Variants in SLC35G2 observed in about 807,000 individuals in gnomAD.
The protein encoded by SLC35G2 is transmembrane protein 22.
In SLC35G2, 20 loss-of-function variants were observed where a neutral mutation model predicts 27.2. The ratio of observed to expected loss-of-function variants is 0.74; its 90% CI spans 0.52 to 1.07. The LOEUF (loss-of-function observed/expected upper bound fraction) is 1.07. Ranked by LOEUF, SLC35G2 falls within the 50% of genes least tolerant of loss-of-function variation. The pLI, the probability that SLC35G2 is intolerant of heterozygous loss-of-function variation, is 0.00. For synonymous variants in SLC35G2, 148 were observed against 165.3 expected (o/e 0.90, Z 0.80); for missense variants, 416 against 493.3 (o/e 0.84, Z 1.48).
At chr3:136,841,732 A>AAAATAAATAAATAAAT (rs10691819) in intron 1 of SLC35G2, 5 of 144,066 alleles carry the variant, frequency 3.5e-5, no homozygotes, top group African/African-American at 7.7e-5. Context: ...ACTCCGCCTC[A>AAAATAAATAAATAAAT]AAATAAATAA....
chr3:136,835,166 T>C lies in SLC35G2; in HGVS notation c.-19+15538T>C, dbSNP rs962233624. The stretch of plus-strand genomic sequence containing the variant: ...TAACAATTTCCTTTTTGAAAAAGTA[T>C]TTCTTACTTTTGGTCTAGAATCAAA... On this transcript the variant is annotated intron_variant, in intron 1 of 1. Transcript: ENST00000446465. 5.9e-5 allele frequency among the ~76,000 whole-genome samples: 9 copies of C among 152,218 alleles called. No homozygotes were observed. In the East Asian group the frequency reaches 1.5e-3, roughly 26 times the overall value.
rs565541996 is a variant in SLC35G2, at chr3:136,829,078, A to T, written c.-19+9450A>T. ...TGTTGTTTCTCTTTACATCTATTGT[A>T]CTGTCTACGTCTTGAAAATTTATTT... On this transcript the variant is annotated intron_variant, in intron 1 of 1. Transcript: ENST00000446465. Among the ~76,000 whole-genome samples, 29 of 152,342 alleles carry T rather than the reference A, an allele frequency of 1.9e-4. 1 individual carries two copies. In the South Asian group the frequency reaches 6.0e-3, roughly 32 times the overall value.
intron 1 of SLC35G2, among the ~76,000 whole-genome samples, chr3:136,821,011 T>G (rs1936444840): frequency 6.6e-6 from 1 of 152,104 alleles, no homozygotes; most frequent in Admixed American, 6.5e-5. Flanking sequence ...ATGACTAAAA[T>G]GTATCATAAT....
At chr3:136,835,558 G>A (rs925829163) in intron 1 of SLC35G2, among the ~76,000 whole-genome samples, 1 of 152,056 alleles carries the variant, frequency 6.6e-6, no homozygotes, top group Non-Finnish European at 1.5e-5. Context: ...TATTTTGTAG[G>A]AAGACACTTT....
chr3:136,853,197 G>T (rs1937759953), intron 1 of SLC35G2, among the ~76,000 whole-genome samples: 1 of 152,128 alleles, frequency 6.6e-6, no homozygotes, highest in Non-Finnish European at 1.5e-5. Context: ...CTGAATTCAA[G>T]TGATTCTCAT....
chr3:136,851,163 T>C (rs1459772899), intron 1 of SLC35G2, among the ~76,000 whole-genome samples: 1 of 151,976 alleles, frequency 6.6e-6, no homozygotes, highest in Non-Finnish European at 1.5e-5. Context: ...AGGAAAGGCC[T>C]GTCTCTAAAA....
At chr3:136,832,020 A>T (rs1359296041) in intron 1 of SLC35G2, among the ~76,000 whole-genome samples, 8 of 148,872 alleles carry the variant, frequency 5.4e-5, no homozygotes, top group Non-Finnish European at 7.4e-5. Flanking sequence ...ATCATTCTTC[A>T]TTTTTTTTTT....
At chr3:136,840,842 C>T (rs577128876) in intron 1 of SLC35G2, among the ~76,000 whole-genome samples, 14 of 151,428 alleles carry the variant, frequency 9.2e-5, no homozygotes, top group Admixed American at 7.9e-4. Flanking sequence ...AGGCTGGTCT[C>T]GAACTCCTGA....
chr3:136,843,837 G>A (rs1222637862), intron 1 of SLC35G2, among the ~76,000 whole-genome samples: 1 of 152,126 alleles, frequency 6.6e-6, no homozygotes, highest in African/African-American at 2.4e-5. Context: ...AGGAAGCTGA[G>A]GCAGGAGAAT....
intron 1 of SLC35G2, among the ~76,000 whole-genome samples, chr3:136,847,176 AAATAAATAAATAAAT>A (rs1427973376): frequency 1.3e-4 from 20 of 151,592 alleles, no homozygotes; most frequent in Non-Finnish European, 1.3e-4. Context: ...GACTGTCTAA[AAATAAATAAATAAAT>A]AATAAATAAA....
chr3:136,841,727 G>A (rs1255018032), intron 1 of SLC35G2: 3 of 129,734 alleles, frequency 2.3e-5, no homozygotes, highest in Non-Finnish European at 3.2e-5. Flanking sequence ...GTGAAACTCC[G>A]CCTCAAAATA....
chr3:136,838,380 C>G (rs1199128387), intron 1 of SLC35G2: 2 of 151,568 alleles, frequency 1.3e-5, no homozygotes, highest in African/African-American at 2.4e-5. Context: ...TGCTACTTAA[C>G]CAATCAGATG....
chr3:136,855,848 A>G lies in SLC35G2; in HGVS notation c.*149A>G. 1.7e-6 allele frequency: 1 copy of G among 576,610 alleles called. No individual in the cohort carries two copies. Among genetic ancestry groups the G allele is most frequent in the Non-Finnish European group, 3.1e-6 (1 of 327,722 alleles). The allele number at this position is 576,610 out of a possible 1,614,324, so 35.7% of individuals were successfully genotyped here. On this transcript the variant is annotated 3_prime_UTR_variant, in exon 2 of 2. Transcript: ENST00000446465. ...AAATGCAGAAAATTTATTCTAGTCT[A>G]ATATATTCAAATACAAATATTAAAT...
chr3:136,834,856 T>C (rs1226634346), intron 1 of SLC35G2, among the ~76,000 whole-genome samples: 1 of 152,224 alleles, frequency 6.6e-6, no homozygotes. Flanking sequence ...GCAAATATAA[T>C]ACAACAAACT....
chr3:136,823,576 T>G (rs748981147), intron 1 of SLC35G2, among the ~76,000 whole-genome samples: 3 of 152,018 alleles, frequency 2.0e-5, no homozygotes, highest in Non-Finnish European at 4.4e-5. Flanking sequence ...CATTTTGATT[T>G]GATTTTTCTT....
intron 1 of SLC35G2, among the ~76,000 whole-genome samples, chr3:136,828,653 A>G (rs189816463): frequency 3.8e-4 from 58 of 152,294 alleles, no homozygotes; most frequent in African/African-American, 1.4e-3. Flanking sequence ...TGTTTCTTGT[A>G]GGAAACAGAT....
intron 1 of SLC35G2, among the ~76,000 whole-genome samples, chr3:136,832,572 A>G (rs1936756971): frequency 6.6e-6 from 1 of 152,242 alleles, no homozygotes; most frequent in Admixed American, 6.5e-5. Flanking sequence ...GAGAAAGCTT[A>G]TGCCTTCTTG....
chr3:136,841,646 G>C (rs1036879173), intron 1 of SLC35G2: 2 of 152,162 alleles, frequency 1.3e-5, no homozygotes, highest in Non-Finnish European at 2.9e-5. Context: ...CAGGAGAATT[G>C]CTTGAACCCA....
chr3:136,841,787 A>G (rs1209664856), intron 1 of SLC35G2: 4 of 151,438 alleles, frequency 2.6e-5, no homozygotes, highest in Non-Finnish European at 5.9e-5. Context: ...ATCAGAGTCC[A>G]TTCCCAAGGA....
Sources: gnomAD v4.1 joint callset for allele counts (sites outside exome capture counted in the v4.1 genomes callset) on GRCh38, gnomAD v4.1.1 for gene constraint, MANE v1.5 for transcripts, NCBI Gene and HGNC (gene_info 2026-07-23, HGNC 2026-07-21) for gene names.